ZFYVE26: variants seen among roughly 807,000 people sequenced by gnomAD.
The protein encoded by ZFYVE26 is zinc finger FYVE-type containing 26, also known as zinc finger FYVE domain-containing protein 26.
In ZFYVE26, 181 loss-of-function variants were observed where a neutral mutation model predicts 276.5. The observed-to-expected ratio is 0.65, with a 90% CI of 0.58 to 0.74. ZFYVE26 has a LOEUF of 0.74. Among genes scored for constraint, ZFYVE26 ranks in the 30% least tolerant of loss-of-function variants. The pLI is 0.00. For synonymous variants in ZFYVE26, 1,129 were observed against 1,203.1 expected (o/e 0.94, Z 1.27); for missense variants, 2,821 against 3,097.9 (o/e 0.91, Z 2.12).
At position 67,733,740 on chromosome 14, in the gene ZFYVE26, C is replaced by T. The variant is rs1203847598; in HGVS notation, n.2680-3921G>A. ...CTGGAATTTACTGTCTTTCTCTGCC[C>T]TCCAGTGACTGCAAGAGGACCTGGG... On this transcript the variant is annotated intron_variant and non_coding_transcript_variant, in intron 13 of 14. Transcript: ENST00000394455. The T allele has an allele frequency of 2.5e-6, 4 of 1,602,076 alleles. No individual in the cohort carries two copies. The highest frequency in any genetic ancestry group is 3.3e-5 in the Admixed American group (2 of 59,950).
At chr14:67,769,780 A>G (rs747560912) in intron 28 of ZFYVE26, 50 bp from the exon 29 acceptor site, 1 of 1,612,224 alleles carries the variant, frequency 6.2e-7, no homozygotes, top group Admixed American at 1.7e-5. Context: ...AGAAGGGGAG[A>G]TTGCCATCAA....
chr14:67,782,925 G>A lies in ZFYVE26; in HGVS notation c.4227C>T (p.Ala1409=). ...TVLLGLHSPI[A]LDVLSEAFEE... is the part of the protein sequence containing the mutation. Reference sequence around the variant, plus strand: ...CAAAAGCCTCACTCAGTACATCTAGGGCAATGGGAGAATGTAGGCCCAGGA... The same window carrying A: ...CAAAAGCCTCACTCAGTACATCTAGAGCAATGGGAGAATGTAGGCCCAGGA... The change falls in exon 21 of 42, where the codon GCC becomes GCT. Residue 1409 remains alanine, a synonymous_variant. Coordinates refer to ENST00000347230, the MANE Select transcript of ZFYVE26 (RefSeq NM_015346.4). The A allele has an allele frequency of 1.2e-6, 2 of 1,614,198 alleles. No homozygotes were observed. Among genetic ancestry groups the A allele is most frequent in the Non-Finnish European group, 1.7e-6 (2 of 1,180,036 alleles).
chr14:67,816,454 T>C (rs1208452748), intron 1 of ZFYVE26, 80 bp downstream of exon 1: 2 of 156,356 alleles, frequency 1.3e-5, no homozygotes, highest in African/African-American at 4.8e-5. Flanking sequence ...TGGAAAGCAG[T>C]GTGGGGGTGG....
intron 13 of ZFYVE26, among the ~76,000 whole-genome samples, chr14:67,738,374 T>C (rs917555089): frequency 6.1e-5 from 9 of 148,432 alleles, no homozygotes; most frequent in African/African-American, 2.2e-4. Flanking sequence ...CTTATAAATA[T>C]ATACTTATAA....
intron 4 of ZFYVE26, 114 bp from the exon 5 acceptor site, chr14:67,808,034 A>G: frequency 7.9e-7 from 1 of 1,257,876 alleles, no homozygotes; most frequent in Non-Finnish European, 1.1e-6. Flanking sequence ...GGCGGTAACA[A>G]ATACTTATGT....
At chr14:67,804,574 A>G (rs1020563482) in intron 8 of ZFYVE26, among the ~76,000 whole-genome samples, 12 of 152,054 alleles carry the variant, frequency 7.9e-5, no homozygotes, top group African/African-American at 2.9e-4. Context: ...TCAAATGAAC[A>G]CAAGTTTCTC....
chr14:67,756,726 T>C (rs1465450130), intron 35 of ZFYVE26, among the ~76,000 whole-genome samples: 1 of 152,228 alleles, frequency 6.6e-6, no homozygotes, highest in Non-Finnish European at 1.5e-5. Flanking sequence ...CACTCTTTTC[T>C]ATTTATACTC....
At position 67,733,697 on chromosome 14, in the gene ZFYVE26, G is replaced by C. The variant is rs761622657; in HGVS notation, n.2680-3878C>G. On this transcript the variant is annotated intron_variant and non_coding_transcript_variant, in intron 13 of 14. Coordinates refer to the ZFYVE26 transcript ENST00000394455. ...GAGAAAGGGACCATAAAGATTTCCA[G>C]ACTGCTAATTCTCATTCCTGGAATT... 6.4e-6 allele frequency: 8 copies of C among 1,254,928 alleles called. No individual in the cohort carries two copies. The South Asian group carries it at 9.6e-5, about 15-fold the overall frequency. 77.7% of individuals were successfully genotyped at this position (1,254,928 alleles called of 1,614,324 possible). A position where few individuals can be genotyped will look rare whatever the true frequency, so the allele number is the denominator to read the frequency against.
chr14:67,773,988 G>A (rs2039278366), intron 27 of ZFYVE26, among the ~76,000 whole-genome samples: 1 of 152,148 alleles, frequency 6.6e-6, no homozygotes, highest in African/African-American at 2.4e-5. Context: ...CAAGGAGCTT[G>A]TGCTTTGTGT....
At chr14:67,806,380 TCA>T (rs2040180774) in intron 6 of ZFYVE26, among the ~76,000 whole-genome samples, 163 bp downstream of exon 6, 1 of 152,208 alleles carries the variant, frequency 6.6e-6, no homozygotes, top group Non-Finnish European at 1.5e-5. Context: ...GCACTGATTC[TCA>T]GAGTCTCCTT....
In ZFYVE26 at chr14:67,756,163, G is replaced by A. The variant is rs369074633; in HGVS notation, c.6589-18C>T. On this transcript the variant is annotated intron_variant, in intron 35 of 41. Coordinates refer to ENST00000347230, the MANE Select transcript of ZFYVE26 (RefSeq NM_015346.4). ...GGACTCTCCTGGAGCAGGGCAGGGCGAGAAGTCAGAAGTCTTGAGCCTGGT... is the reference window on the plus strand; with the variant it reads ...GGACTCTCCTGGAGCAGGGCAGGGCAAGAAGTCAGAAGTCTTGAGCCTGGT... The A allele has an allele frequency of 3.7e-5, 59 of 1,613,560 alleles. No individual in the cohort carries two copies. Among genetic ancestry groups the A allele is most frequent in the Non-Finnish European group, 4.7e-5 (55 of 1,179,630 alleles).
rs1566865331 is a variant in ZFYVE26 at position 67,757,662 on chromosome 14, C to CTTTCTTTCTT, written c.6589-1527_6589-1518dup. On this transcript the variant is annotated intron_variant, in intron 35 of 41. Coordinates refer to ENST00000347230, the MANE Select transcript of ZFYVE26 (RefSeq NM_015346.4). ...TTTGTCTTTCTTTCTTTCTTTCTTT[C>CTTTCTTTCTT]TTTCTTTCTTTCTTTCTTTCTCTCT... is the stretch of plus-strand genomic sequence containing the variant. 2.1e-5 allele frequency among the ~76,000 whole-genome samples: 3 copies of CTTTCTTTCTT among 145,598 alleles called. No homozygotes were observed. The East Asian group carries it at 5.9e-4, about 28-fold the overall frequency.
chr14:67,778,786 T>C (rs1334331741), intron 23 of ZFYVE26, among the ~76,000 whole-genome samples: 1 of 151,664 alleles, frequency 6.6e-6, no homozygotes, highest in Non-Finnish European at 1.5e-5. Context: ...AGGGCTTTGT[T>C]CAAATATTCC....
intron 2 of ZFYVE26, among the ~76,000 whole-genome samples, chr14:67,814,979 G>T (rs2040373025): frequency 6.6e-6 from 1 of 152,192 alleles, no homozygotes; most frequent in African/African-American, 2.4e-5. Context: ...ATCACCAGTG[G>T]TTACTAGCAT....
chr14:67,775,035 G>A lies in ZFYVE26; in HGVS notation c.5301C>T (p.Phe1767=), dbSNP rs765887099. 7 of 1,611,340 alleles carry A rather than the reference G, an allele frequency of 4.3e-6. No individual in the cohort carries two copies. In the South Asian group the frequency reaches 7.8e-5, roughly 18 times the overall value. Residue 1767 remains phenylalanine (F), a synonymous_variant, in exon 27 of 42, where the codon TTC becomes TTT. Transcript: ENST00000347230. Reference sequence around the variant, plus strand: ...TCTTACCAGGAGGAGCAGCAGGAGAGAACTCTGCTGATGGTGATCTAGGGA... The same window carrying A: ...TCTTACCAGGAGGAGCAGCAGGAGAAAACTCTGCTGATGGTGATCTAGGGA... ...ETLPRSPSAE[F]SPAAPPGISS...
chr14:67,815,735 C>T, intron 2 of ZFYVE26, 35 bp downstream of exon 2: 5 of 1,608,634 alleles, frequency 3.1e-6, no homozygotes, highest in Non-Finnish European at 4.2e-6. Context: ...TGTCTCTCAC[C>T]CTGGGACCGT....
intron 10 of ZFYVE26, chr14:67,799,721 C>A: frequency 7.5e-6 from 6 of 798,684 alleles, no homozygotes; most frequent in East Asian, 4.9e-5. Context: ...AGGTGTCTTT[C>A]CAGCCTGAAT....
At chr14:67,804,368 C>T (rs1229599328) in intron 8 of ZFYVE26, 104 bp from the exon 9 acceptor site, 1 of 1,364,454 alleles carries the variant, frequency 7.3e-7, no homozygotes, top group African/African-American at 1.4e-5. Flanking sequence ...GACCATAATG[C>T]CACAGGCTTC....
At chr14:67,768,149 T>C (rs2039108409) in intron 30 of ZFYVE26, among the ~76,000 whole-genome samples, 1 of 152,166 alleles carries the variant, frequency 6.6e-6, no homozygotes, top group African/African-American at 2.4e-5. Flanking sequence ...AAAACTAACC[T>C]GTTGTGGACA....
Sources: gnomAD v4.1 joint callset for allele counts (sites outside exome capture counted in the v4.1 genomes callset) on GRCh38, gnomAD v4.1.1 for gene constraint, MANE v1.5 for transcripts, NCBI Gene and HGNC (gene_info 2026-07-23, HGNC 2026-07-21) for gene names.